The following USP34 variants were observed in gnomAD, a reference collection of about 807,000 sequenced individuals.
USP34 encodes ubiquitin carboxyl-terminal hydrolase 34.
A neutral mutation model predicts 460.3 loss-of-function variants in USP34; 70 were observed. The observed-to-expected ratio is 0.15, with a 90% CI of 0.13 to 0.19. The LOEUF is 0.19. Among genes scored for constraint, USP34 ranks in the 10% least tolerant of loss-of-function variants. The pLI, the probability that USP34 is intolerant of heterozygous loss-of-function variation, is 1.00. For missense variants in USP34, 3,985 were observed against 4,236.2 expected (o/e 0.94, Z 1.65); for synonymous variants, 1,647 against 1,405.3 (o/e 1.17, Z -3.85).
intron 39 of USP34, among the ~76,000 whole-genome samples, chr2:61,279,758 C>T (rs1029575459): frequency 7.2e-5 from 11 of 152,196 alleles, no homozygotes; most frequent in African/African-American, 2.7e-4. Flanking sequence ...GCCACTGCAC[C>T]TGGCCTGAAA....
intron 5 of USP34, among the ~76,000 whole-genome samples, chr2:61,386,182 G>T (rs1693139071): frequency 6.6e-6 from 1 of 152,052 alleles, no homozygotes; most frequent in Admixed American, 6.6e-5. Flanking sequence ...TTGGCTCATT[G>T]TAGTGATGAG....
intron 1 of USP34, among the ~76,000 whole-genome samples, chr2:61,422,950 A>G (rs1017286677): frequency 6.6e-6 from 1 of 152,192 alleles, no homozygotes; most frequent in Non-Finnish European, 1.5e-5. Flanking sequence ...AAGTGAGCCG[A>G]AAAAAATCAG....
chr2:61,220,087 A>C, intron 67 of USP34: 1 of 406,456 alleles, frequency 2.5e-6, no homozygotes, highest in South Asian at 5.9e-5. Context: ...CACTCTTATC[A>C]AGCAAGGAAA....
intron 15 of USP34, among the ~76,000 whole-genome samples, chr2:61,346,582 T>A (rs1691775573): frequency 1.7e-5 from 2 of 120,290 alleles, no homozygotes; most frequent in South Asian, 3.0e-4. Flanking sequence ...ACGCCTGCAA[T>A]CCTAGCACTT....
chr2:61,243,041 T>G (rs546292082), intron 51 of USP34, among the ~76,000 whole-genome samples: 1 of 152,010 alleles, frequency 6.6e-6, no homozygotes, highest in African/African-American at 2.4e-5. Context: ...ACATGGGGTT[T>G]CACCATGTTG....
chr2:61,281,351 C>T, intron 37 of USP34, 109 bp from the exon 38 acceptor site: 1 of 1,354,336 alleles, frequency 7.4e-7, no homozygotes, highest in Non-Finnish European at 9.9e-7. Context: ...GCCGGGCAAG[C>T]CTGTAATCCC....
chr2:61,416,799 A>G, intron 2 of USP34: 1 of 417,782 alleles, frequency 2.4e-6, no homozygotes, highest in Non-Finnish European at 4.1e-6. Context: ...TGTGTTATTA[A>G]CCTCCCTAAT....
At chr2:61,409,273 G>A (rs2103943995) in intron 2 of USP34, among the ~76,000 whole-genome samples, 1 of 152,000 alleles carries the variant, frequency 6.6e-6, no homozygotes, top group Admixed American at 6.5e-5. Context: ...CAGGCCGGGT[G>A]TGGTGGCTCA....
rs1046294398 is a variant in USP34 at position 61,420,775 on chromosome 2, T to C, written c.102A>G (p.Ile34Met). Residue 34 changes from isoleucine to methionine, a missense_variant, in exon 2 of 80, where the codon ATA (isoleucine) becomes ATG (methionine). Transcript: ENST00000398571. ...LQLRKEHTLK[I>M]FTYINSWTQR... is the part of the protein sequence containing the mutation. ...GTGTCCAGGAATTGATATAAGTAAA[T>C]ATTTTGAGAGTATGTTCCTTTCTGA... is the stretch of plus-strand genomic sequence containing the variant. 1 of 1,610,984 alleles carries C rather than the reference T, an allele frequency of 6.2e-7. No individual in the cohort carries two copies. The highest frequency in any genetic ancestry group is 8.5e-7 in the Non-Finnish European group (1 of 1,178,544).
At chr2:61,206,728 G>A (rs774167616) in intron 71 of USP34, 32 bp downstream of exon 71, 31 of 1,607,108 alleles carry the variant, frequency 1.9e-5, no homozygotes, top group Admixed American at 3.4e-5. Context: ...CTAGTAGCAC[G>A]AACAAAACAT....
chr2:61,227,249 GGTA>G lies in USP34; in HGVS notation c.7444-34_7444-32del, dbSNP rs1288959495. ...TTGGAATAAAATTCAATTTTAATAC[GGTA>G]GTAGTTTTAATATCATTTTGAGAAC... On this transcript the variant is annotated intron_variant, in intron 61 of 79. Coordinates refer to ENST00000398571, the MANE Select transcript of USP34 (RefSeq NM_014709.4). 5.1e-6 allele frequency: 8 copies of G among 1,574,564 alleles called. No homozygotes were observed. The African/African-American group carries it at 9.6e-5, about 19-fold the overall frequency.
chr2:61,419,416 G>T (rs1444645234), intron 2 of USP34, among the ~76,000 whole-genome samples: 1 of 151,914 alleles, frequency 6.6e-6, no homozygotes, highest in East Asian at 1.9e-4. Context: ...TGAGACCTAA[G>T]AATTACTGCC....
intron 23 of USP34, among the ~76,000 whole-genome samples, chr2:61,316,779 G>C (rs898962097): frequency 1.3e-5 from 2 of 150,256 alleles, no homozygotes; most frequent in Admixed American, 1.3e-4. Flanking sequence ...CAGATACTTC[G>C]GGAAGCTGAG....
chr2:61,377,735 C>T (rs1216769720), intron 8 of USP34, among the ~76,000 whole-genome samples: 2 of 152,214 alleles, frequency 1.3e-5, no homozygotes, highest in Non-Finnish European at 2.9e-5. Context: ...GTCATCCAAT[C>T]TACAGTACTT....
rs767819171 is a variant in USP34 at position 61,350,630 on chromosome 2, C to T, written c.1315G>A (p.Val439Ile). 2.2e-5 allele frequency: 35 copies of T among 1,613,314 alleles called. No individual in the cohort carries two copies. Among genetic ancestry groups the T allele is most frequent in the Middle Eastern group, 1.6e-4 (1 of 6,076 alleles). ...FPSLIKNLDP[V>I]PLRHLLNLVS... Reference sequence around the variant, plus strand: ...AGATTAAGTAGATGTCTAAGTGGTACGGGATCCAAATTCTTGATGAGTGAA... The same window carrying T: ...AGATTAAGTAGATGTCTAAGTGGTATGGGATCCAAATTCTTGATGAGTGAA... The change falls in exon 11 of 80, where the codon GTA becomes ATA. Residue 439 changes from valine (V) to isoleucine (I), a missense_variant. Physicochemically the swap from Val to Ile is conservative, Grantham distance 29. Coordinates refer to ENST00000398571, the MANE Select transcript of USP34 (RefSeq NM_014709.4).
intron 2 of USP34, among the ~76,000 whole-genome samples, chr2:61,417,885 ATGAG>A (rs1694244228): frequency 1.4e-5 from 2 of 145,086 alleles, no homozygotes; most frequent in East Asian, 2.1e-4. Context: ...GGGGTTACAC[ATGAG>A]CACCCCACGC....
intron 33 of USP34, among the ~76,000 whole-genome samples, chr2:61,290,327 T>A (rs1448092881): frequency 6.6e-6 from 1 of 152,142 alleles, no homozygotes; most frequent in Non-Finnish European, 1.5e-5. Flanking sequence ...TTTAGCAATT[T>A]CATCACTTGG....
rs535438501 is a variant in USP34, at chr2:61,281,712, A to G, written c.4999-470T>C. Among the ~76,000 whole-genome samples, 3 of 152,364 alleles carry G rather than the reference A, an allele frequency of 2.0e-5. No individual in the cohort carries two copies. In the South Asian group the frequency reaches 6.2e-4, roughly 32 times the overall value. ...AAGGTATACCATAATATATAAATAC[A>G]GTGTTTTAGAAATCCTAAAGCATGG... On this transcript the variant is annotated intron_variant, in intron 37 of 79. Coordinates refer to ENST00000398571, the MANE Select transcript of USP34 (RefSeq NM_014709.4).
chr2:61,194,713 T>TG (rs1458681845), intron 75 of USP34, among the ~76,000 whole-genome samples: 2 of 152,220 alleles, frequency 1.3e-5, no homozygotes, highest in Non-Finnish European at 2.9e-5. Context: ...CCCAACACTT[T>TG]GGGAGGCCAA....
Sources: gnomAD v4.1 joint callset for allele counts (sites outside exome capture counted in the v4.1 genomes callset) on GRCh38, gnomAD v4.1.1 for gene constraint, MANE v1.5 for transcripts, NCBI Gene and HGNC (gene_info 2026-07-23, HGNC 2026-07-21) for gene names.